ATP1B3: variants seen among roughly 807,000 people sequenced by gnomAD.
ATP1B3 encodes ATPase Na+/K+ transporting subunit beta 3, also known as sodium/potassium-transporting ATPase subunit beta-3.
In ATP1B3, 10 loss-of-function variants were observed where a neutral mutation model predicts 30.2. The ratio of observed to expected loss-of-function variants is 0.33; its 90% CI spans 0.20 to 0.56. The LOEUF is 0.56. ATP1B3 is among the 20% of genes least tolerant of loss of function. The pLI, the probability that ATP1B3 is intolerant of heterozygous loss-of-function variation, is 0.90. For synonymous variants in ATP1B3, 113 were observed against 117.0 expected, an observed-to-expected ratio of 0.97 and a Z score of 0.22; for missense variants, 238 against 336.7, an observed-to-expected ratio of 0.71 and a Z score of 2.29.
intron 3 of ATP1B3, among the ~76,000 whole-genome samples, chr3:141,909,695 T>C (rs2107775277): frequency 6.6e-6 from 1 of 152,154 alleles, no homozygotes; most frequent in South Asian, 2.1e-4. Context: ...GGTTAGGGAG[T>C]TAAAGGAGAT....
chr3:141,901,439 T>C (rs951641041), intron 1 of ATP1B3, among the ~76,000 whole-genome samples: 19 of 152,340 alleles, frequency 1.2e-4, no homozygotes, highest in African/African-American at 4.6e-4. Flanking sequence ...TGAGACTGAC[T>C]AGTTTAAGTT....
chr3:141,889,728 CAAAAAAAAA>C (rs1168549266), intron 1 of ATP1B3, among the ~76,000 whole-genome samples: 1 of 48,480 alleles, frequency 2.1e-5, no homozygotes, highest in South Asian at 1.1e-3. Flanking sequence ...GACTCCGTCT[CAAAAAAAAA>C]AAAAAAAAAA....
Position 141,913,804 on chromosome 3 carries a change from G to A in ATP1B3, c.499G>A (p.Gly167Arg), listed in dbSNP as rs770234674. 3 of 1,613,458 alleles carry A rather than the reference G, an allele frequency of 1.9e-6. No individual in the cohort carries two copies. The highest frequency in any genetic ancestry group is 2.5e-6 in the Non-Finnish European group (3 of 1,179,758). Residue 167 changes from glycine to arginine, a missense_variant, in exon 4 of 7, where the codon GGA becomes AGA. Gly to Arg is a moderately radical substitution (Grantham distance 125, BLOSUM62 -2). Coordinates refer to ENST00000286371, the MANE Select transcript of ATP1B3 (RefSeq NM_001679.4). ...MNDPDFGYSQGNPCILVKMNR... is the reference protein window; with the variant it reads ...MNDPDFGYSQRNPCILVKMNR... ...TGATCCTGATTTTGGCTATTCTCAAGGAAACCCTTGTATTCTTGTGAAAAT... is the reference window on the plus strand; with the variant it reads ...TGATCCTGATTTTGGCTATTCTCAAAGAAACCCTTGTATTCTTGTGAAAAT...
At chr3:141,894,326 AT>A (rs34959486) in intron 1 of ATP1B3, among the ~76,000 whole-genome samples, 21,133 of 148,838 alleles carry the variant, frequency 0.14, 1,732 homozygotes, top group East Asian at 0.4. Context: ...ACTTTTTACA[AT>A]TTTTTTTTTT....
At chr3:141,908,506 T>C (rs2107774837) in intron 3 of ATP1B3, among the ~76,000 whole-genome samples, 1 of 152,166 alleles carries the variant, frequency 6.6e-6, no homozygotes, top group East Asian at 1.9e-4. Flanking sequence ...TGCTCTAAAA[T>C]CCCAGACCTC....
rs773329594 is a variant in ATP1B3, at chr3:141,903,607, T to C, written c.110-13T>C. 6.2e-7 allele frequency: 1 copy of C among 1,613,072 alleles called. No homozygotes were observed. Reference sequence around the variant, plus strand: ...GCACGTGCACATTTCATAAGTTTTATTTTCTTTTACAGGTTTGATCTTGCT... The same window carrying C: ...GCACGTGCACATTTCATAAGTTTTACTTTCTTTTACAGGTTTGATCTTGCT... On this transcript the variant is annotated splice_polypyrimidine_tract_variant and intron_variant, in intron 1 of 6. Transcript: ENST00000286371.
At chr3:141,889,266 C>G (rs939608678) in intron 1 of ATP1B3, among the ~76,000 whole-genome samples, 1 of 152,068 alleles carries the variant, frequency 6.6e-6, no homozygotes, top group Admixed American at 6.6e-5. Context: ...AATCATATCA[C>G]ATAATATTCC....
intron 1 of ATP1B3, among the ~76,000 whole-genome samples, chr3:141,895,228 G>T (rs1244225388): frequency 3.0e-5 from 4 of 132,924 alleles, no homozygotes; most frequent in African/African-American, 8.8e-5. Context: ...TTACCCTGTT[G>T]CCCGGGCTGG....
At chr3:141,913,501 G>T in intron 3 of ATP1B3, 151 bp from the exon 4 acceptor site, 1 of 615,548 alleles carries the variant, frequency 1.6e-6, no homozygotes, top group South Asian at 2.6e-5. Flanking sequence ...AAAGGTAAAG[G>T]GGCAAACTTA....
intron 6 of ATP1B3, among the ~76,000 whole-genome samples, chr3:141,922,755 G>T (rs1367433982): frequency 6.6e-6 from 1 of 151,706 alleles, no homozygotes; most frequent in East Asian, 1.9e-4. Context: ...CACGAGGTCA[G>T]GAGATCAAGA....
intron 2 of ATP1B3, 30 bp from the exon 3 acceptor site, chr3:141,907,137 T>G: frequency 6.6e-7 from 1 of 1,508,570 alleles, no homozygotes; most frequent in African/African-American, 1.4e-5. Context: ...GAAGGAAATT[T>G]GATAATCTCT....
At chr3:141,918,449 C>CTT (rs551426376) in intron 5 of ATP1B3, 12,833 of 145,264 alleles carry the variant, frequency 0.088, 689 homozygotes, top group East Asian at 0.15. Context: ...ATACCTCTCC[C>CTT]TTTTTTTTTT....
At chr3:141,911,549 C>T (rs2107776008) in intron 3 of ATP1B3, among the ~76,000 whole-genome samples, 1 of 149,124 alleles carries the variant, frequency 6.7e-6, no homozygotes. Context: ...GGCTGGAGTA[C>T]AATGGCTTGT....
At chr3:141,877,109 C>G (rs1218053909) in intron 1 of ATP1B3, among the ~76,000 whole-genome samples, 199 bp downstream of exon 1, 1 of 150,928 alleles carries the variant, frequency 6.6e-6, no homozygotes, top group Non-Finnish European at 1.5e-5. Context: ...AGCTCGCTCC[C>G]GAAGCAGCGG....
At chr3:141,915,860 G>C in intron 4 of ATP1B3, 110 bp from the exon 5 acceptor site, 1 of 706,606 alleles carries the variant, frequency 1.4e-6, no homozygotes, top group Non-Finnish European at 2.4e-6. Flanking sequence ...GATGTATACA[G>C]ACTTGGTGTT....
chr3:141,916,596 T>G, intron 5 of ATP1B3: 1 of 1,270,488 alleles, frequency 7.9e-7, no homozygotes, highest in Non-Finnish European at 1.0e-6. Context: ...GAGGAGACAT[T>G]AAGTTCTAAA....
intron 1 of ATP1B3, among the ~76,000 whole-genome samples, chr3:141,895,573 T>C (rs1056316052): frequency 1.3e-5 from 2 of 152,236 alleles, no homozygotes; most frequent in African/African-American, 4.8e-5. Context: ...TAGTATTGCA[T>C]TGTATGGATA....
intron 1 of ATP1B3, among the ~76,000 whole-genome samples, chr3:141,884,393 A>G (rs545784320): frequency 6.6e-6 from 1 of 152,232 alleles, no homozygotes; most frequent in African/African-American, 2.4e-5. Context: ...CCCACTCCCT[A>G]GCTCTCTAAC....
chr3:141,902,369 A>T (rs1000130822), intron 1 of ATP1B3: 1 of 543,018 alleles, frequency 1.8e-6, no homozygotes, highest in Non-Finnish European at 3.1e-6. Context: ...CTTTCAGCAC[A>T]ATCTGTTTTG....
Sources: gnomAD v4.1 joint callset for allele counts (sites outside exome capture counted in the v4.1 genomes callset) on GRCh38, gnomAD v4.1.1 for gene constraint, MANE v1.5 for transcripts, NCBI Gene and HGNC (gene_info 2026-07-23, HGNC 2026-07-21) for gene names.